TAS2R1: variants seen among roughly 807,000 people sequenced by gnomAD.
The protein encoded by TAS2R1 is taste 2 receptor member 1, also known as taste receptor type 2 member 1.
For synonymous variants in TAS2R1, 141 were observed against 134.2 expected (o/e 1.05, Z -0.35); for missense variants, 370 against 353.4 (o/e 1.05, Z -0.38).
At position 9,628,161 on chromosome 5, in the gene TAS2R1, TATC is replaced by T. The variant is rs1255064837; in HGVS notation, c.*969_*971del. On this transcript the variant is annotated 3_prime_UTR_variant, in exon 1 of 1. Coordinates refer to ENST00000382492, the MANE Select transcript of TAS2R1 (RefSeq NM_019599.3). ...CTATCTATCTATCTATCTATCTATCTATCTATCTATCTATCTCTTAGTATTCAA... is the reference window on the plus strand; with the variant it reads ...CTATCTATCTATCTATCTATCTATCTTATCTATCTATCTCTTAGTATTCAA... 4.4e-4 allele frequency among the ~76,000 whole-genome samples: 67 copies of T among 152,000 alleles called. No homozygotes were observed. The highest frequency in any genetic ancestry group is 7.8e-4 in the Non-Finnish European group (53 of 67,996).
chr5:9,808,310 AACTTG>A, the TAS2R1 span, among the ~76,000 whole-genome samples: 2 of 152,222 alleles, frequency 1.3e-5, no homozygotes, highest in African/African-American at 4.8e-5. Context: ...AGTGGCAAAG[AACTTG>A]ACTAACGTGT....
At chr5:9,834,050 A>T in the TAS2R1 span, among the ~76,000 whole-genome samples, 1 of 152,172 alleles carries the variant, frequency 6.6e-6, no homozygotes, top group Non-Finnish European at 1.5e-5. Context: ...AGATGGATTC[A>T]GCTCCCCAGC....
chr5:9,688,454 T>G (rs1004654592), intron 1 of TAS2R1, among the ~76,000 whole-genome samples: 1 of 152,154 alleles, frequency 6.6e-6, no homozygotes, highest in Non-Finnish European at 1.5e-5. Flanking sequence ...ACACTGCAGT[T>G]TTATTTCATG....
the TAS2R1 span, among the ~76,000 whole-genome samples, chr5:9,817,275 T>A: frequency 1.3e-5 from 2 of 152,208 alleles, no homozygotes; most frequent in African/African-American, 2.4e-5. Context: ...GAGATGGGAA[T>A]GAGATTAGAT....
chr5:9,828,729 T>C, the TAS2R1 span, among the ~76,000 whole-genome samples: 2 of 152,238 alleles, frequency 1.3e-5, no homozygotes, highest in Non-Finnish European at 2.9e-5. Context: ...TAACTTATTC[T>C]GAATGATACA....
chr5:9,705,429 TA>T (rs1741581970), intron 1 of TAS2R1, among the ~76,000 whole-genome samples: 1 of 152,242 alleles, frequency 6.6e-6, no homozygotes, highest in Non-Finnish European at 1.5e-5. Flanking sequence ...ATAAGTAAAC[TA>T]AAATTAAAAT....
chr5:9,874,067 T>C, the TAS2R1 span, among the ~76,000 whole-genome samples: 4 of 151,684 alleles, frequency 2.6e-5, no homozygotes, highest in South Asian at 4.2e-4. Flanking sequence ...ATGGAGTGAG[T>C]TGGAGTTTAT....
chr5:9,802,038 C>T, the TAS2R1 span, among the ~76,000 whole-genome samples: 1 of 152,188 alleles, frequency 6.6e-6, no homozygotes, highest in Admixed American at 6.5e-5. Flanking sequence ...ACCAGGCATC[C>T]CTAGGGCAAG....
the TAS2R1 span, among the ~76,000 whole-genome samples, chr5:9,755,904 T>C: frequency 6.6e-6 from 1 of 152,172 alleles, no homozygotes; most frequent in Non-Finnish European, 1.5e-5. Flanking sequence ...TTGGTTTTGG[T>C]GGGTTTTAGC....
the TAS2R1 span, among the ~76,000 whole-genome samples, chr5:9,787,323 A>G: frequency 6.6e-6 from 1 of 152,228 alleles, no homozygotes; most frequent in Non-Finnish European, 1.5e-5. Context: ...AAAAGAAAAC[A>G]TCATGAAAAA....
Position 9,704,619 on chromosome 5 carries a change from A to C in TAS2R1, c.-242+7553T>G, listed in dbSNP as rs575853510. On this transcript the variant is annotated intron_variant, in intron 1 of 2. Coordinates refer to the TAS2R1 transcript ENST00000506620. ...GAAAAATAATGGACAGATGACATGAAAAATTAGTTCACACACAAAAAAGTG... is the reference window on the plus strand; with the variant it reads ...GAAAAATAATGGACAGATGACATGACAAATTAGTTCACACACAAAAAAGTG... 3.8e-4 allele frequency among the ~76,000 whole-genome samples: 58 copies of C among 152,338 alleles called. 1 individual carries two copies. Among genetic ancestry groups the C allele is most frequent in the Middle Eastern group, 3.4e-3 (1 of 294 alleles).
the TAS2R1 span, among the ~76,000 whole-genome samples, chr5:9,729,180 G>A: frequency 6.6e-6 from 1 of 152,358 alleles, no homozygotes; most frequent in South Asian, 2.1e-4. Context: ...ATGTGTGTGT[G>A]TGCTTAGCAG....
intron 1 of TAS2R1, among the ~76,000 whole-genome samples, chr5:9,678,829 G>A (rs939739250): frequency 6.6e-6 from 1 of 152,102 alleles, no homozygotes; most frequent in Non-Finnish European, 1.5e-5. Context: ...AATGGATGCT[G>A]GGCTTAATAC....
chr5:9,763,580 G>A, the TAS2R1 span, among the ~76,000 whole-genome samples: 1 of 152,282 alleles, frequency 6.6e-6, no homozygotes, highest in South Asian at 2.1e-4. Flanking sequence ...CCATGAATGG[G>A]AACAAGGAAA....
the TAS2R1 span, among the ~76,000 whole-genome samples, chr5:9,828,374 C>T: frequency 6.6e-6 from 1 of 152,186 alleles, no homozygotes; most frequent in Non-Finnish European, 1.5e-5. Context: ...GATCTGCCCG[C>T]CTCAGGCTCC....
At chr5:9,669,148 A>T (rs1561374130) in intron 1 of TAS2R1, among the ~76,000 whole-genome samples, 2 of 152,220 alleles carry the variant, frequency 1.3e-5, no homozygotes, top group Non-Finnish European at 2.9e-5. Flanking sequence ...TAAATCAGCA[A>T]TAATCAAAAA....
chr5:9,903,557 G>A, the TAS2R1 span: 1 of 151,940 alleles, frequency 6.6e-6, no homozygotes, highest in East Asian at 1.9e-4. Context: ...TCCTACTGAT[G>A]AGTGAGAACA....
the TAS2R1 span, among the ~76,000 whole-genome samples, chr5:9,871,325 G>A: frequency 1.9e-4 from 29 of 152,306 alleles, no homozygotes; most frequent in Admixed American, 5.9e-4. Context: ...CAAGCTTGGC[G>A]AGAAAACAGT....
At chr5:9,827,954 C>T in the TAS2R1 span, among the ~76,000 whole-genome samples, 9 of 152,104 alleles carry the variant, frequency 5.9e-5, no homozygotes, top group South Asian at 2.1e-4. Flanking sequence ...ATACCTTCTA[C>T]GATATTCCGC....
Sources: gnomAD v4.1 joint callset for allele counts (sites outside exome capture counted in the v4.1 genomes callset) on GRCh38, gnomAD v4.1.1 for gene constraint, MANE v1.5 for transcripts, NCBI Gene and HGNC (gene_info 2026-07-23, HGNC 2026-07-21) for gene names.